Variants in IL1R1 observed in about 807,000 individuals in gnomAD.
IL1R1 encodes interleukin-1 receptor type 1.
A neutral mutation model predicts 50.2 loss-of-function variants in IL1R1; 22 were observed. The observed-to-expected ratio is 0.44, with a 90% CI of 0.31 to 0.63. The LOEUF (loss-of-function observed/expected upper bound fraction) is 0.63. Among genes scored for constraint, IL1R1 ranks in the 20% least tolerant of loss-of-function variants. IL1R1 has a pLI of 0.07. For missense variants in IL1R1, 509 were observed against 676.2 expected, an observed-to-expected ratio of 0.75 and a Z score of 2.74; for synonymous variants, 251 against 236.7, an observed-to-expected ratio of 1.06 and a Z score of -0.55.
chr2:102,151,902 T>C (rs1559491150), intron 1 of IL1R1, among the ~76,000 whole-genome samples: 1 of 152,078 alleles, frequency 6.6e-6, no homozygotes, highest in Non-Finnish European at 1.5e-5. Context: ...GAGCCAGCGC[T>C]GGACACAGAG....
rs929103692 is a variant in IL1R1, at chr2:102,168,460, G to A, written c.656-138G>A. 7 of 709,738 alleles carry A rather than the reference G, an allele frequency of 9.9e-6. 1 individual carries two copies. Among genetic ancestry groups the A allele is most frequent in the South Asian group, 4.9e-5 (3 of 61,804 alleles). The allele number at this position is 709,738 out of a possible 1,614,324, so 44.0% of individuals were successfully genotyped here. A position where few individuals can be genotyped will look rare whatever the true frequency, so the allele number is the denominator to read the frequency against. Reference sequence around the variant, plus strand: ...TTTCTTCCTTCACTTTCTGCCTCCTGTCTCCTGGCATATGTGCTTTGAACA... The same window carrying A: ...TTTCTTCCTTCACTTTCTGCCTCCTATCTCCTGGCATATGTGCTTTGAACA... On this transcript the variant is annotated intron_variant, in intron 6 of 11. Transcript: ENST00000410023.
chr2:102,114,068 G>A (rs1469623220), intron 1 of IL1R1, among the ~76,000 whole-genome samples: 1 of 152,118 alleles, frequency 6.6e-6, no homozygotes, highest in Admixed American at 6.5e-5. Context: ...TTTGGGCACT[G>A]GTTTTTGAGT....
chr2:102,168,450 T>C (rs1685387312), intron 6 of IL1R1, 148 bp from the exon 7 acceptor site: 1 of 681,666 alleles, frequency 1.5e-6, no homozygotes, highest in Admixed American at 2.1e-5. Context: ...TCCTTCACTT[T>C]CTGCCTCCTG....
chr2:102,168,519 ATGTTTTGCTAAG>A, intron 6 of IL1R1, 67 bp from the exon 7 acceptor site: 2 of 1,077,138 alleles, frequency 1.9e-6, no homozygotes, highest in Non-Finnish European at 2.9e-6. Flanking sequence ...GTCATTTAGT[ATGTTTTGCTAAG>A]TGTTGTCGTC....
rs773206931 is a variant in IL1R1 at position 102,105,968 on chromosome 2, T to C, written c.-84+1096T>C. Reference sequence around the variant, plus strand: ...ATAATTCCTACTGATAGTGTTGTTGTGCATAAGAATGAGAAAATGGGACTG... The same window carrying C: ...ATAATTCCTACTGATAGTGTTGTTGCGCATAAGAATGAGAAAATGGGACTG... On this transcript the variant is annotated intron_variant, in intron 1 of 10. Coordinates refer to the IL1R1 transcript ENST00000409329. 4.6e-5 allele frequency among the ~76,000 whole-genome samples: 7 copies of C among 152,308 alleles called. No individual in the cohort carries two copies. The Middle Eastern group carries it at 0.01, about 222-fold the overall frequency.
chr2:102,161,560 C>T (rs191826568), intron 3 of IL1R1, among the ~76,000 whole-genome samples: 40 of 152,270 alleles, frequency 2.6e-4, no homozygotes, highest in African/African-American at 8.7e-4. Context: ...TCTTGCAGAA[C>T]CAGTTTCTCT....
intron 1 of IL1R1, among the ~76,000 whole-genome samples, chr2:102,123,990 GT>G (rs776402287): frequency 1.1e-4 from 17 of 151,904 alleles, no homozygotes; most frequent in Non-Finnish European, 2.4e-4. Context: ...AGAGAAAGGG[GT>G]TTATCTTGTG....
intron 1 of IL1R1, among the ~76,000 whole-genome samples, chr2:102,125,485 G>A (rs1259713537): frequency 6.6e-6 from 1 of 152,168 alleles, no homozygotes; most frequent in African/African-American, 2.4e-5. Context: ...CATGGGTTGA[G>A]GACAGTCATG....
intron 1 of IL1R1, among the ~76,000 whole-genome samples, chr2:102,129,401 C>T (rs1042861133): frequency 2.6e-5 from 4 of 152,104 alleles, no homozygotes; most frequent in South Asian, 2.1e-4. Context: ...GTCAGGAACC[C>T]GATAGGTGCT....
intron 1 of IL1R1, among the ~76,000 whole-genome samples, chr2:102,079,869 G>A (rs1679132178): frequency 6.6e-6 from 1 of 152,192 alleles, no homozygotes; most frequent in Admixed American, 6.5e-5. Flanking sequence ...AAGACAGTAG[G>A]ATGTTCTCAG....
intron 1 of IL1R1, among the ~76,000 whole-genome samples, chr2:102,136,334 C>G (rs1682337348): frequency 6.6e-6 from 1 of 151,600 alleles, no homozygotes; most frequent in African/African-American, 2.4e-5. Flanking sequence ...GAGAACTTTC[C>G]TAGCTCCCAT....
chr2:102,087,341 C>A (rs1432113117), intron 1 of IL1R1, among the ~76,000 whole-genome samples: 1 of 152,176 alleles, frequency 6.6e-6, no homozygotes, highest in African/African-American at 2.4e-5. Flanking sequence ...GCGATCAACT[C>A]TTCTCCTCTT....
chr2:102,151,982 C>A (rs78257875), intron 1 of IL1R1, among the ~76,000 whole-genome samples: 1 of 152,004 alleles, frequency 6.6e-6, no homozygotes, highest in Admixed American at 6.5e-5. Flanking sequence ...CAGAAGGGGC[C>A]GATGGGATGG....
chr2:102,173,882 A>T (rs1685893510), intron 9 of IL1R1, among the ~76,000 whole-genome samples: 1 of 152,228 alleles, frequency 6.6e-6, no homozygotes, highest in Non-Finnish European at 1.5e-5. Context: ...ATGAAGCGAC[A>T]GTACTTAAGA....
chr2:102,096,485 C>T (rs1223539549), intron 1 of IL1R1, among the ~76,000 whole-genome samples: 2 of 152,062 alleles, frequency 1.3e-5, no homozygotes, highest in Non-Finnish European at 2.9e-5. Context: ...GGTATCTTTT[C>T]ATTTAGTTTA....
At chr2:102,071,328 A>G (rs962191478) in intron 1 of IL1R1, among the ~76,000 whole-genome samples, 1 of 152,210 alleles carries the variant, frequency 6.6e-6, no homozygotes, top group Non-Finnish European at 1.5e-5. Flanking sequence ...GATATCACAC[A>G]TATCATTCCT....
chr2:102,094,970 G>C (rs547119879), intron 1 of IL1R1, among the ~76,000 whole-genome samples: 1 of 152,188 alleles, frequency 6.6e-6, no homozygotes, highest in Non-Finnish European at 1.5e-5. Flanking sequence ...ACAAAGGGGC[G>C]TGAGAAAAAT....
chr2:102,121,200 C>T (rs538087137), intron 1 of IL1R1, among the ~76,000 whole-genome samples: 30 of 152,286 alleles, frequency 2.0e-4, no homozygotes, highest in African/African-American at 4.8e-4. Flanking sequence ...CATCCAGCCA[C>T]CCGGTGCTGA....
intron 1 of IL1R1, among the ~76,000 whole-genome samples, chr2:102,146,683 T>C (rs776988699): frequency 6.6e-6 from 1 of 152,218 alleles, no homozygotes; most frequent in Non-Finnish European, 1.5e-5. Context: ...GCCAACAATA[T>C]ATGTATTTCA....
Sources: allele counts gnomAD v4.1 joint callset (sites outside exome capture counted in the v4.1 genomes callset), GRCh38; gene constraint gnomAD v4.1.1; transcripts MANE v1.5; gene names NCBI Gene and HGNC (gene_info 2026-07-23, HGNC 2026-07-21).